The following ADNP variants were observed in gnomAD, a reference collection of about 807,000 sequenced individuals.
ADNP encodes the protein activity dependent neuroprotector homeobox.
ADNP carries 4 observed loss-of-function variants against 84.9 expected under a neutral mutation model. The ratio of observed to expected loss-of-function variants is 0.05; its 90% CI spans 0.02 to 0.11. The LOEUF (loss-of-function observed/expected upper bound fraction) is 0.11. Among genes scored for constraint, ADNP ranks in the 10% least tolerant of loss-of-function variants. The probability of loss-of-function intolerance (pLI) is 1.00; values close to 1 mark genes in which losing one functional copy is unlikely to be tolerated. For synonymous variants in ADNP, 554 were observed against 468.1 expected, an observed-to-expected ratio of 1.18 and a Z score of -2.37; for missense variants, 1,132 against 1,326.0, an observed-to-expected ratio of 0.85 and a Z score of 2.27.
intron 5 of ADNP, among the ~76,000 whole-genome samples, chr20:50,899,518 G>A (rs1046151609): frequency 6.6e-6 from 1 of 152,000 alleles, no homozygotes; most frequent in Admixed American, 6.6e-5. Context: ...CCGGTAATGA[G>A]TTTTTAATCA....
Position 50,891,878 on chromosome 20 carries a change from T to C in ADNP, c.2836A>G (p.Thr946Ala), listed in dbSNP as rs551485241. The stretch of plus-strand genomic sequence containing the variant: ...TCAGATGCATTGTGCATTAGTTTGG[T>C]TGGTTCCTCAGTCAAATGAATAGTT... ...YETIHLTEEP[T>A]KLMHNASDSE... is the part of the protein sequence containing the mutation. The change falls in exon 6 of 6, where the codon ACC becomes GCC. Residue 946 changes from threonine (T) to alanine (A), a missense_variant. Thr to Ala is a moderately conservative substitution (Grantham distance 58). Transcript: ENST00000621696. 43 of 1,614,250 alleles carry C rather than the reference T, an allele frequency of 2.7e-5. No individual in the cohort carries two copies. The highest frequency in any genetic ancestry group is 3.3e-5 in the Admixed American group (2 of 60,036).
At position 50,889,630 on chromosome 20, in the gene ADNP, A is replaced by G. The variant is rs1429666534; in HGVS notation, c.*1775T>C. 2 of 370,782 alleles carry G rather than the reference A, an allele frequency of 5.4e-6. No individual in the cohort carries two copies. The highest frequency in any genetic ancestry group is 9.1e-5 in the Admixed American group (2 of 21,898). The allele number at this position is 370,782 out of a possible 1,614,324, so 23.0% of individuals were successfully genotyped here. A position where few individuals can be genotyped will look rare whatever the true frequency, so the allele number is the denominator to read the frequency against. On this transcript the variant is annotated 3_prime_UTR_variant, in exon 6 of 6. Coordinates refer to ENST00000621696, the MANE Select transcript of ADNP (RefSeq NM_001282531.3). The stretch of plus-strand genomic sequence containing the variant: ...GGAAACAGACTCAGAAGTTATGGAC[A>G]TCAGCCACTTCAGACTTCTTTAGGC...
intron 5 of ADNP, among the ~76,000 whole-genome samples, chr20:50,895,448 C>T (rs923885130): frequency 5.9e-5 from 9 of 152,158 alleles, no homozygotes; most frequent in Non-Finnish European, 8.8e-5. Flanking sequence ...ATGAACAAAG[C>T]TTACAGGACT....
At chr20:50,929,191 C>A (rs1479250831) in intron 1 of ADNP, among the ~76,000 whole-genome samples, 2 of 152,224 alleles carry the variant, frequency 1.3e-5, no homozygotes, top group Non-Finnish European at 2.9e-5. Context: ...TTGTTTCAAA[C>A]CTTCTCCTTT....
intron 2 of ADNP, among the ~76,000 whole-genome samples, chr20:50,925,215 A>C (rs191026737): frequency 1.3e-5 from 2 of 151,896 alleles, no homozygotes; most frequent in African/African-American, 4.8e-5. Flanking sequence ...CCTGCAATCA[A>C]AACTGTCACT....
In ADNP at chr20:50,930,954, GCTCCGGCTCGGCGGA is replaced by G. The variant is rs1006023895; in HGVS notation, c.-408_-394del. On this transcript the variant is annotated 5_prime_UTR_variant, in exon 1 of 6. Coordinates refer to ENST00000621696, the MANE Select transcript of ADNP (RefSeq NM_001282531.3). ...GAGGGCGCGCCCGGGGCCTCGTCGC[GCTCCGGCTCGGCGGA>G]CTCCGGCTCGCGCCGCGGCCGCGGG... The G allele has an allele frequency of 1.0e-4, 15 of 144,610 alleles. No homozygotes were observed. Among genetic ancestry groups the G allele is most frequent in the South Asian group, 5.5e-4 (3 of 5,478 alleles). The allele number at this position is 144,610 out of a possible 1,614,324, so 9.0% of individuals were successfully genotyped here. A position where few individuals can be genotyped will look rare whatever the true frequency, so the allele number is the denominator to read the frequency against.
Position 50,890,991 on chromosome 20 carries a change from G to A in ADNP, c.*414C>T, listed in dbSNP as rs1056994841. On this transcript the variant is annotated 3_prime_UTR_variant, in exon 6 of 6. Transcript: ENST00000621696. ...CAGAATGAATACATGAAAAAAAATC[G>A]CTTTTCCCAAAGTCTACTATACACA... The A allele has an allele frequency of 1.7e-5, 17 of 995,158 alleles. No individual in the cohort carries two copies. Among genetic ancestry groups the A allele is most frequent in the African/African-American group, 3.5e-5 (2 of 57,514 alleles). 61.6% of individuals were successfully genotyped at this position (995,158 alleles called of 1,614,324 possible).
chr20:50,922,836 C>A (rs981402145), intron 2 of ADNP, among the ~76,000 whole-genome samples: 1 of 152,110 alleles, frequency 6.6e-6, no homozygotes, highest in Non-Finnish European at 1.5e-5. Context: ...TCGCCCCCAG[C>A]CTCCCAAAAT....
At chr20:50,929,666 C>T (rs1032470466) in intron 1 of ADNP, among the ~76,000 whole-genome samples, 1 of 152,100 alleles carries the variant, frequency 6.6e-6, no homozygotes, top group Non-Finnish European at 1.5e-5. Flanking sequence ...GGCCATAAAC[C>T]AGAAGCAACA....
intron 5 of ADNP, among the ~76,000 whole-genome samples, chr20:50,896,265 C>T (rs1423504163): frequency 6.6e-6 from 1 of 151,834 alleles, no homozygotes; most frequent in African/African-American, 2.4e-5. Context: ...CATTGTACAG[C>T]CGTACAAAAA....
In ADNP at chr20:50,891,440, A is replaced by C. The variant is rs770161155; in HGVS notation, c.3274T>G (p.Leu1092Val). The C allele has an allele frequency of 1.2e-6, 2 of 1,611,946 alleles. No individual in the cohort carries two copies. The highest frequency in any genetic ancestry group is 2.2e-5 in the South Asian group (2 of 90,882). Residue 1092 changes from leucine (L) to valine (V), a missense_variant, in exon 6 of 6, where the codon TTA (leucine) becomes GTA (valine). Leu to Val is a conservative substitution (Grantham distance 32). Coordinates refer to ENST00000621696, the MANE Select transcript of ADNP (RefSeq NM_001282531.3). Reference sequence around the variant, plus strand: ...TGGCTGCTCAGTTTAACTCCGGCTAAGCTGCCATGCATGGGCTCAGCTACT... The same window carrying C: ...TGGCTGCTCAGTTTAACTCCGGCTACGCTGCCATGCATGGGCTCAGCTACT... Reference protein sequence around the residue: ...DGVAEPMHGSLAGVKLSSQQA With the variant: ...DGVAEPMHGSVAGVKLSSQQA
intron 5 of ADNP, among the ~76,000 whole-genome samples, chr20:50,895,905 CTT>C (rs1203379331): frequency 6.6e-6 from 1 of 152,158 alleles, no homozygotes; most frequent in Non-Finnish European, 1.5e-5. Context: ...CTTTTTGACT[CTT>C]TTGTAGTAAT....
Position 50,892,131 on chromosome 20 carries a change from A to G in ADNP, c.2583T>C (p.Thr861=). 1 of 1,614,150 alleles carries G rather than the reference A, an allele frequency of 6.2e-7. No individual in the cohort carries two copies. Among genetic ancestry groups the G allele is most frequent in the East Asian group, 2.2e-5 (1 of 44,878 alleles). ...TCCCAAGGTTGAGCTTTTTGTCAGC[A>G]GTCTTACTAGCATTGACTCTGGAAT... ...EKDSRVNASK[T]ADKKLNLGKE... is the part of the protein sequence containing the mutation. The change falls in exon 6 of 6, where the codon ACT becomes ACC. Residue 861 remains threonine, a synonymous_variant. Coordinates refer to ENST00000621696, the MANE Select transcript of ADNP (RefSeq NM_001282531.3).
At chr20:50,900,893 G>A (rs1981908288) in intron 5 of ADNP, among the ~76,000 whole-genome samples, 1 of 152,074 alleles carries the variant, frequency 6.6e-6, no homozygotes, top group African/African-American at 2.4e-5. Flanking sequence ...TCTCAACCAA[G>A]AACACTTCAA....
rs982768451 is a variant in ADNP at position 50,890,276 on chromosome 20, A to T, written c.*1129T>A. 9.0e-5 allele frequency: 16 copies of T among 177,746 alleles called. No individual in the cohort carries two copies. The highest frequency in any genetic ancestry group is 1.6e-4 in the Non-Finnish European group (14 of 84,994). The allele number at this position is 177,746 out of a possible 1,614,324, so 11.0% of individuals were successfully genotyped here. Reference sequence around the variant, plus strand: ...CTGTGGCTGCCATCTCTGATGAAAGAGTTATGGCATTAAATGGCAAAAGAT... The same window carrying T: ...CTGTGGCTGCCATCTCTGATGAAAGTGTTATGGCATTAAATGGCAAAAGAT... On this transcript the variant is annotated 3_prime_UTR_variant, in exon 6 of 6. Transcript: ENST00000621696.
In ADNP at chr20:50,893,241, G is replaced by A. The variant is rs746780213; in HGVS notation, c.1473C>T (p.Cys491=). 3 of 1,614,214 alleles carry A rather than the reference G, an allele frequency of 1.9e-6. No homozygotes were observed. Among genetic ancestry groups the A allele is most frequent in the South Asian group, 1.1e-5 (1 of 91,076 alleles). Residue 491 remains cysteine (C), a synonymous_variant, in exon 6 of 6, where the codon TGC becomes TGT. Transcript: ENST00000621696. This position sits in a 1 kb window ranked among gnomAD's most constrained non-coding sequence, Gnocchi z 4.4. ...TGGGTAAATAGCGATTACAGTAGAG[G>A]CATTTGCTAGTAAAATTGTGTATTT... ...IMKIHNFTSK[C]LYCNRYLPTD... is the part of the protein sequence containing the mutation.
rs766855083 is a variant in ADNP, at chr20:50,892,991, G to A, written c.1723C>T (p.Pro575Ser). 6.2e-7 allele frequency: 1 copy of A among 1,614,190 alleles called. No homozygotes were observed. The highest frequency in any genetic ancestry group is 1.7e-5 in the Admixed American group (1 of 60,018). Residue 575 changes from proline (P) to serine (S), a missense_variant, in exon 6 of 6, where the codon CCA (proline) becomes TCA (serine). Physicochemically the swap from Pro to Ser is moderately conservative, Grantham distance 74. Transcript: ENST00000621696. The stretch of plus-strand genomic sequence containing the variant: ...GCATGGTAAGCAACAGATTCAGCTG[G>A]GGCATCCCTCAGATTGTATGTAGTT... ...LVTTYNLRDA[P>S]AESVAYHAQN...
At chr20:50,915,451 TGA>T (rs1983436617) in intron 2 of ADNP, among the ~76,000 whole-genome samples, 1 of 152,224 alleles carries the variant, frequency 6.6e-6, no homozygotes, top group Admixed American at 6.5e-5. Flanking sequence ...GCTTTAAGAT[TGA>T]GAGCCTACAG....
At chr20:50,906,099 C>T (rs1337886333) in intron 2 of ADNP, among the ~76,000 whole-genome samples, 1 of 152,158 alleles carries the variant, frequency 6.6e-6, no homozygotes, top group Non-Finnish European at 1.5e-5. Context: ...GTAATCCCAG[C>T]TACTCGGGAG....
Sources: allele counts gnomAD v4.1 joint callset (sites outside exome capture counted in the v4.1 genomes callset), GRCh38; gene constraint gnomAD v4.1.1; non-coding constraint Gnocchi (gnomAD v3.1); transcripts MANE v1.5; gene names NCBI Gene and HGNC (gene_info 2026-07-23, HGNC 2026-07-21).